Variants in SCTR observed in about 807,000 individuals in gnomAD.
SCTR encodes secretin receptor, also known as pancreatic secretin receptor.
In SCTR, 56 loss-of-function variants were observed where a neutral mutation model predicts 60.8. The observed-to-expected ratio is 0.92, with a 90% CI of 0.74 to 1.15. The LOEUF (loss-of-function observed/expected upper bound fraction) is 1.15. Ranked by LOEUF, SCTR falls within the 50% of genes most tolerant of loss-of-function variation. SCTR has a pLI of 0.00. For synonymous variants in SCTR, 202 were observed against 217.0 expected (o/e 0.93, Z 0.61); for missense variants, 562 against 550.4 (o/e 1.02, Z -0.21).
chr2:119,497,621 A>AAGGCAGGC (rs3055005), intron 1 of SCTR, among the ~76,000 whole-genome samples: 6 of 151,784 alleles, frequency 4.0e-5, no homozygotes, highest in Non-Finnish European at 8.8e-5. Context: ...GGAAGGCAGG[A>AAGGCAGGC]AGGCAGGCAG....
intron 3 of SCTR, among the ~76,000 whole-genome samples, chr2:119,475,082 G>A (rs905747712): frequency 2.0e-5 from 3 of 152,184 alleles, no homozygotes; most frequent in Non-Finnish European, 4.4e-5. Context: ...GGCACAGAGC[G>A]GGCACCGAGG....
At chr2:119,476,580 AG>A (rs1197614031) in intron 3 of SCTR, 1 of 152,104 alleles carries the variant, frequency 6.6e-6, no homozygotes, top group Non-Finnish European at 1.5e-5. Flanking sequence ...TGAGGCAGGG[AG>A]GGGTTCAAGC....
At chr2:119,475,382 C>T (rs952931884) in intron 3 of SCTR, among the ~76,000 whole-genome samples, 1 of 152,090 alleles carries the variant, frequency 6.6e-6, no homozygotes, top group Non-Finnish European at 1.5e-5. Context: ...TTGGGGCCCT[C>T]TCCTCACTGA....
chr2:119,476,583 G>C (rs1337463524), intron 3 of SCTR: 2 of 152,220 alleles, frequency 1.3e-5, no homozygotes, highest in African/African-American at 4.8e-5. Flanking sequence ...GGCAGGGAGG[G>C]GTTCAAGCAA....
At position 119,482,436 on chromosome 2, in the gene SCTR, G is replaced by A. The variant is rs187978741; in HGVS notation, c.194-3518C>T. The stretch of plus-strand genomic sequence containing the variant: ...GGCTGCAACCATGAGCAAGGGTGTC[G>A]TAGAATTGTAGAGGGACACAGAAGG... On this transcript the variant is annotated intron_variant, in intron 2 of 12. Transcript: ENST00000019103. Among the ~76,000 whole-genome samples, 500 of 152,292 alleles carry A rather than the reference G, an allele frequency of 3.3e-3. 1 individual carries two copies. Among genetic ancestry groups the A allele is most frequent in the South Asian group, 8.7e-3 (42 of 4,822 alleles).
chr2:119,452,120 G>C (rs1021957056), intron 8 of SCTR, 41 bp from the exon 9 acceptor site: 1 of 1,278,592 alleles, frequency 7.8e-7, no homozygotes, highest in Admixed American at 1.9e-5. Context: ...AGCAGGAGCT[G>C]TGGGAGCTGG....
intron 2 of SCTR, among the ~76,000 whole-genome samples, chr2:119,491,668 C>T (rs1372646624): frequency 6.6e-6 from 1 of 152,120 alleles, no homozygotes; most frequent in Non-Finnish European, 1.5e-5. Context: ...CCCACAACCA[C>T]ACCCGGCTAA....
intron 11 of SCTR, among the ~76,000 whole-genome samples, chr2:119,445,732 C>T (rs912046290): frequency 1.4e-4 from 21 of 152,118 alleles, no homozygotes; most frequent in African/African-American, 2.4e-4. Flanking sequence ...TTCTCCCGGC[C>T]GTTAGTTTGA....
intron 7 of SCTR, among the ~76,000 whole-genome samples, chr2:119,457,363 T>G (rs752141638): frequency 1.8e-4 from 28 of 152,176 alleles, no homozygotes; most frequent in Middle Eastern, 3.2e-3. Flanking sequence ...TGAATCTGAT[T>G]TAGCCAAAAA....
chr2:119,454,937 G>A (rs1347549191), intron 7 of SCTR, among the ~76,000 whole-genome samples: 1 of 152,070 alleles, frequency 6.6e-6, no homozygotes, highest in Non-Finnish European at 1.5e-5. Context: ...GTCACCTTGG[G>A]TTGAACAGAA....
At chr2:119,497,814 A>G (rs981069127) in intron 1 of SCTR, among the ~76,000 whole-genome samples, 2 of 152,230 alleles carry the variant, frequency 1.3e-5, no homozygotes, top group Non-Finnish European at 2.9e-5. Context: ...AACACTAGAA[A>G]TTACACAACC....
At chr2:119,493,795 C>T (rs980643478) in intron 2 of SCTR, among the ~76,000 whole-genome samples, 23 of 152,118 alleles carry the variant, frequency 1.5e-4, no homozygotes, top group African/African-American at 5.3e-4. Flanking sequence ...GCATGCGCCA[C>T]CACGCCCGGC....
At chr2:119,458,899 C>T (rs149093872) in intron 7 of SCTR, among the ~76,000 whole-genome samples, 65 of 152,264 alleles carry the variant, frequency 4.3e-4, no homozygotes, top group Admixed American at 3.7e-3. Context: ...GAGGCAGAAC[C>T]GCCAGTGCCA....
chr2:119,446,853 GGGATCAGCAGGA>G lies in SCTR; in HGVS notation c.1034_1045del (p.Leu345_Ile348del). On this transcript the variant is annotated inframe_deletion, in exon 11 of 13. Coordinates refer to ENST00000019103, the MANE Select transcript of SCTR (RefSeq NM_002980.3). ...GACGATGTAGTGGATGCCAAAGAGG[GGGATCAGCAGGA>G]GAGTGGACCTGGCCAGGCGCCTGGG... is the stretch of plus-strand genomic sequence containing the variant. The G allele has an allele frequency of 6.3e-7, 1 of 1,575,794 alleles. No homozygotes were observed. The highest frequency in any genetic ancestry group is 8.6e-7 in the Non-Finnish European group (1 of 1,160,074).
chr2:119,508,910 A>G (rs935248414), intron 1 of SCTR, among the ~76,000 whole-genome samples: 1 of 152,330 alleles, frequency 6.6e-6, no homozygotes, highest in Middle Eastern at 3.4e-3. Context: ...TTGTACATCC[A>G]TTGCGTCCTC....
intron 10 of SCTR, 84 bp downstream of exon 10, chr2:119,448,605 A>G (rs1683021917): frequency 1.2e-6 from 1 of 807,196 alleles, no homozygotes; most frequent in South Asian, 1.4e-5. Flanking sequence ...TCCGTCTCCA[A>G]TAGCTAGCAC....
rs1400729541 is a variant in SCTR, at chr2:119,454,237, C to T, written c.791-890G>A. ...GGGCACCCGGTACCCAGGAGGCAGG[C>T]GGCAGAGTGGGGCTGGGGCAGGAGG... On this transcript the variant is annotated intron_variant, in intron 7 of 12. Coordinates refer to ENST00000019103, the MANE Select transcript of SCTR (RefSeq NM_002980.3). 2.0e-5 allele frequency among the ~76,000 whole-genome samples: 3 copies of T among 152,080 alleles called. No homozygotes were observed. The South Asian group carries it at 6.2e-4, about 32-fold the overall frequency.
At chr2:119,511,212 CAA>C (rs544266795) in intron 1 of SCTR, among the ~76,000 whole-genome samples, 1 of 140,160 alleles carries the variant, frequency 7.1e-6, no homozygotes, top group Non-Finnish European at 1.6e-5. Context: ...ATCTCCGTCT[CAA>C]AAAAAAAAAA....
At chr2:119,459,047 G>A (rs957621934) in intron 7 of SCTR, among the ~76,000 whole-genome samples, 14 of 152,144 alleles carry the variant, frequency 9.2e-5, no homozygotes, top group Non-Finnish European at 5.9e-5. Flanking sequence ...AACCTTAAAC[G>A]TGCTCACTCC....
Sources: allele counts gnomAD v4.1 joint callset (sites outside exome capture counted in the v4.1 genomes callset), GRCh38; gene constraint gnomAD v4.1.1; transcripts MANE v1.5; gene names NCBI Gene and HGNC (gene_info 2026-07-23, HGNC 2026-07-21).